Variants in ARID3A observed in about 807,000 individuals in gnomAD.
ARID3A encodes the protein AT-rich interactive domain-containing protein 3A.
In ARID3A, 11 loss-of-function variants were observed where a neutral mutation model predicts 52.7. The ratio of observed to expected loss-of-function variants is 0.21; its 90% CI spans 0.13 to 0.35. The LOEUF (loss-of-function observed/expected upper bound fraction) is 0.35, where lower values mean the gene tolerates loss of function less well. Ranked by LOEUF, ARID3A falls within the 10% of genes least tolerant of loss-of-function variation. ARID3A has a pLI of 1.00. For synonymous variants in ARID3A, 404 were observed against 359.4 expected (o/e 1.12, Z -1.40); for missense variants, 721 against 838.5 (o/e 0.86, Z 1.73).
chr19:926,974 T>G (rs909551948), intron 1 of ARID3A, among the ~76,000 whole-genome samples: 14 of 151,922 alleles, frequency 9.2e-5, no homozygotes, highest in Non-Finnish European at 1.8e-4. Flanking sequence ...TTCTTGAGTT[T>G]TTTTCTCACT....
rs565628070 is a variant in ARID3A, at chr19:942,341, G to A, written c.693+9599G>A. 8.3e-4 allele frequency among the ~76,000 whole-genome samples: 126 copies of A among 152,264 alleles called. No homozygotes were observed. Among genetic ancestry groups the A allele is most frequent in the Non-Finnish European group, 1.3e-3 (90 of 68,002 alleles). ...GACATGGCCCCCGCAGCTGCCCGGC[G>A]GTGGCACCCAGGGGCGTCACCCACG... On this transcript the variant is annotated intron_variant, in intron 3 of 8. Transcript: ENST00000263620. This position sits in a 1 kb window ranked among gnomAD's most constrained non-coding sequence, Gnocchi z 8.1.
chr19:960,979 C>T lies in ARID3A; in HGVS notation c.766+815C>T, dbSNP rs1410428266. 2.0e-5 allele frequency among the ~76,000 whole-genome samples: 3 copies of T among 152,104 alleles called. No individual in the cohort carries two copies. Among genetic ancestry groups the T allele is most frequent in the Admixed American group, 2.0e-4 (3 of 15,266 alleles). On this transcript the variant is annotated intron_variant, in intron 4 of 8. Transcript: ENST00000263620. The surrounding 1 kb of genome is among the most constrained non-coding windows in gnomAD (Gnocchi z 4.3). ...ACCCCAGCTTAGAGTGACCACGGGG[C>T]AGAGAGAGTGCGGCAAGGGCTTCCG...
chr19:943,724 A>T (rs1018098199), intron 3 of ARID3A, among the ~76,000 whole-genome samples: 2 of 152,198 alleles, frequency 1.3e-5, no homozygotes, highest in Non-Finnish European at 2.9e-5. Flanking sequence ...CCTCCCCTGG[A>T]GCCCCAGTGA....
At chr19:966,522 G>A (rs1338478793) in intron 6 of ARID3A, 50 bp from the exon 7 acceptor site, 1 of 1,444,014 alleles carries the variant, frequency 6.9e-7, no homozygotes, top group African/African-American at 1.4e-5. Context: ...TTGAGTGGAA[G>A]GCAGGGCCCA....
chr19:937,925 G>A (rs2037470336), intron 3 of ARID3A, among the ~76,000 whole-genome samples: 1 of 151,918 alleles, frequency 6.6e-6, no homozygotes. Context: ...AGCCAGGATG[G>A]TCTCGATCTC....
chr19:973,104 A>ATTTTTTTTTTTTTTTTTTTTT lies in ARID3A; in HGVS notation c.*1040_*1060dup, dbSNP rs56404084. ...GGGCTCTCGAGTCAGGGGCCTGGAA[A>ATTTTTTTTTTTTTTTTTTTTT]TTTTTTTTTTTTTTTTTTTTTGAGA... is the stretch of plus-strand genomic sequence containing the variant. On this transcript the variant is annotated 3_prime_UTR_variant, in exon 9 of 9. Transcript: ENST00000263620. The ATTTTTTTTTTTTTTTTTTTTT allele has an allele frequency of 0.11, 5,651 of 53,356 alleles. 2,066 individuals are homozygous for ATTTTTTTTTTTTTTTTTTTTT. The highest frequency in any genetic ancestry group is 0.14 in the Non-Finnish European group (4,121 of 28,878). The allele number at this position is 53,356 out of a possible 1,614,324, so 3.3% of individuals were successfully genotyped here.
At position 964,764 on chromosome 19, in the gene ARID3A, T is replaced by A. The variant is rs570011921; in HGVS notation, c.951-69T>A. On this transcript the variant is annotated intron_variant, in intron 5 of 8. Transcript: ENST00000263620. This position sits in a 1 kb window ranked among gnomAD's most constrained non-coding sequence, Gnocchi z 5.7. ...GGTGGTGCCACAGTGGGGTTTACTTTGTACTGAAGGCCAAAGAGAGCCGTA... is the reference window on the plus strand; with the variant it reads ...GGTGGTGCCACAGTGGGGTTTACTTAGTACTGAAGGCCAAAGAGAGCCGTA... 6.4e-7 allele frequency: 1 copy of A among 1,556,952 alleles called. No individual in the cohort carries two copies. Among genetic ancestry groups the A allele is most frequent in the East Asian group, 2.3e-5 (1 of 44,092 alleles).
At position 929,958 on chromosome 19, in the gene ARID3A, C is replaced by T. The variant is rs2037286728; in HGVS notation, c.368+62C>T. ...GTTACTGGCTCTGAGTGTCACTCTG[C>T]TCATCTGCAGAATGGGAGTAAGGGT... On this transcript the variant is annotated intron_variant, in intron 2 of 8. Transcript: ENST00000263620. The surrounding 1 kb of genome is among the most constrained non-coding windows in gnomAD (Gnocchi z 6.2). 2.0e-6 allele frequency: 3 copies of T among 1,528,754 alleles called. No individual in the cohort carries two copies. Among genetic ancestry groups the T allele is most frequent in the Non-Finnish European group, 2.6e-6 (3 of 1,142,758 alleles). The allele number at this position is 1,528,754 out of a possible 1,614,324, so 94.7% of individuals were successfully genotyped here. A position where few individuals can be genotyped will look rare whatever the true frequency, so the allele number is the denominator to read the frequency against.
chr19:954,265 C>T (rs898721250), intron 3 of ARID3A, among the ~76,000 whole-genome samples: 4 of 152,204 alleles, frequency 2.6e-5, no homozygotes, highest in African/African-American at 9.6e-5. Flanking sequence ...TCCACGCGCT[C>T]TGTGCCTCGG....
At chr19:933,887 A>C in intron 3 of ARID3A, among the ~76,000 whole-genome samples, 1 of 142,350 alleles carries the variant, frequency 7.0e-6, no homozygotes, top group South Asian at 2.3e-4. Flanking sequence ...CTGCTCTGTG[A>C]CTCAGTTTCC....
Position 964,505 on chromosome 19 carries a change from G to T in ARID3A, c.950+74G>T. The T allele has an allele frequency of 6.7e-7, 1 of 1,482,186 alleles. No homozygotes were observed. The highest frequency in any genetic ancestry group is 9.0e-7 in the Non-Finnish European group (1 of 1,108,782). 91.8% of individuals were successfully genotyped at this position (1,482,186 alleles called of 1,614,324 possible). A position where few individuals can be genotyped will look rare whatever the true frequency, so the allele number is the denominator to read the frequency against. ...GCCAGTGCAAGGGGCCTGCAGAAGA[G>T]GGAGGGGGTGGTGGGCAGCTGCAGA... On this transcript the variant is annotated intron_variant, in intron 5 of 8. Coordinates refer to ENST00000263620, the MANE Select transcript of ARID3A (RefSeq NM_005224.3). The surrounding 1 kb of genome is among the most constrained non-coding windows in gnomAD (Gnocchi z 5.7).
Position 973,764 on chromosome 19 carries a change from GC to G in ARID3A, c.*1705del. Reference sequence around the variant, plus strand: ...TAAATCGAGGCCGAGAAGGGAGGCTGCCCCCCACCACCCTGTGGGTCAGTAC... The same window carrying G: ...TAAATCGAGGCCGAGAAGGGAGGCTGCCCCCACCACCCTGTGGGTCAGTAC... On this transcript the variant is annotated 3_prime_UTR_variant, in exon 9 of 9. Transcript: ENST00000263620. 4.4e-6 allele frequency: 1 copy of G among 228,610 alleles called. No individual in the cohort carries two copies. The highest frequency in any genetic ancestry group is 1.8e-4 in the South Asian group (1 of 5,484). 14.2% of individuals were successfully genotyped at this position (228,610 alleles called of 1,614,324 possible). A position where few individuals can be genotyped will look rare whatever the true frequency, so the allele number is the denominator to read the frequency against.
chr19:939,409 G>A (rs1033681396), intron 3 of ARID3A, among the ~76,000 whole-genome samples: 16 of 152,242 alleles, frequency 1.1e-4, no homozygotes, highest in African/African-American at 3.9e-4. Flanking sequence ...GAGCCACCGC[G>A]CCCGGCCTCT....
intron 4 of ARID3A, among the ~76,000 whole-genome samples, chr19:963,849 C>A (rs975677997): frequency 6.6e-6 from 1 of 152,182 alleles, no homozygotes; most frequent in African/African-American, 2.4e-5. Context: ...CTGCAGAGCC[C>A]CTGTCAGTGT....
chr19:964,102 G>C lies in ARID3A; in HGVS notation c.767-146G>C, dbSNP rs1272443038. ...GCCTGGATGATCCTGCACCCACAGA[G>C]GGCCCTGGGCAATGTCTGGAGACAT... On this transcript the variant is annotated intron_variant, in intron 4 of 8. Coordinates refer to ENST00000263620, the MANE Select transcript of ARID3A (RefSeq NM_005224.3). This position sits in a 1 kb window ranked among gnomAD's most constrained non-coding sequence, Gnocchi z 5.7. 1 of 640,222 alleles carries C rather than the reference G, an allele frequency of 1.6e-6. No individual in the cohort carries two copies. The highest frequency in any genetic ancestry group is 1.8e-5 in the African/African-American group (1 of 54,616). The allele number at this position is 640,222 out of a possible 1,614,324, so 39.7% of individuals were successfully genotyped here.
Position 972,409 on chromosome 19 carries a change from C to A in ARID3A, c.*344C>A, listed in dbSNP as rs1227358905. ...CGTTTCCCAGGGCGTTCAGGCAGCC[C>A]TGATGGACCGAAGGCTCTGGTGTCT... On this transcript the variant is annotated 3_prime_UTR_variant, in exon 9 of 9. Coordinates refer to ENST00000263620, the MANE Select transcript of ARID3A (RefSeq NM_005224.3). 9.2e-6 allele frequency: 2 copies of A among 217,420 alleles called. No individual in the cohort carries two copies. Among genetic ancestry groups the A allele is most frequent in the East Asian group, 1.3e-4 (2 of 14,896 alleles). The allele number at this position is 217,420 out of a possible 1,614,324, so 13.5% of individuals were successfully genotyped here. A position where few individuals can be genotyped will look rare whatever the true frequency, so the allele number is the denominator to read the frequency against.
rs1419726751 is a variant in ARID3A, at chr19:941,400, T to C, written c.693+8658T>C. ...TGCTGGATTCTGTGGGTCTCGTGTG[T>C]GGGGCTGTGTGCACCCAGCCAGCGG... On this transcript the variant is annotated intron_variant, in intron 3 of 8. Coordinates refer to ENST00000263620, the MANE Select transcript of ARID3A (RefSeq NM_005224.3). This position sits in a 1 kb window ranked among gnomAD's most constrained non-coding sequence, Gnocchi z 6.9. 1.3e-5 allele frequency among the ~76,000 whole-genome samples: 2 copies of C among 152,144 alleles called. No individual in the cohort carries two copies. The highest frequency in any genetic ancestry group is 2.9e-5 in the Non-Finnish European group (2 of 68,004).
rs71335322 is a variant in ARID3A, at chr19:949,676, C to CTT, written c.694-10399_694-10398dup. Among the ~76,000 whole-genome samples the CTT allele has an allele frequency of 7.6e-3, 938 of 123,746 alleles. 17 individuals carry two copies. Among genetic ancestry groups the CTT allele is most frequent in the East Asian group, 0.018 (74 of 4,180 alleles). 81.2% of individuals were successfully genotyped at this position (123,746 alleles called of 152,430 possible). ...TGTGCCCCACAGACCCTGATTCTGTCTTTTTTTTTTTTTTTTTTGAGATGG... is the reference window on the plus strand; with the variant it reads ...TGTGCCCCACAGACCCTGATTCTGTCTTTTTTTTTTTTTTTTTTTTGAGATGG... On this transcript the variant is annotated intron_variant, in intron 3 of 8. Coordinates refer to ENST00000263620, the MANE Select transcript of ARID3A (RefSeq NM_005224.3).
At position 944,327 on chromosome 19, in the gene ARID3A, T is replaced by G. The variant is rs867618169; in HGVS notation, c.693+11585T>G. Among the ~76,000 whole-genome samples, 60 of 145,240 alleles carry G rather than the reference T, an allele frequency of 4.1e-4. No individual in the cohort carries two copies. The highest frequency in any genetic ancestry group is 1.0e-3 in the East Asian group (5 of 4,980). On this transcript the variant is annotated intron_variant, in intron 3 of 8. Transcript: ENST00000263620. The surrounding 1 kb of genome is among the most constrained non-coding windows in gnomAD (Gnocchi z 5.9). Reference sequence around the variant, plus strand: ...TGGCTGCAGGGGCGCGTCCAGGGGGTGTGTGTGTGTGTGTGTGTGTGTCTG... The same window carrying G: ...TGGCTGCAGGGGCGCGTCCAGGGGGGGTGTGTGTGTGTGTGTGTGTGTCTG...
Sources: gnomAD v4.1 joint callset for allele counts (sites outside exome capture counted in the v4.1 genomes callset) on GRCh38, gnomAD v4.1.1 for gene constraint, Gnocchi (gnomAD v3.1) non-coding constraint, MANE v1.5 for transcripts, NCBI Gene and HGNC (gene_info 2026-07-23, HGNC 2026-07-21) for gene names.